The following COBLL1 variants were observed in gnomAD, a reference collection of about 807,000 sequenced individuals.
COBLL1 encodes cordon-bleu WH2 repeat protein like 1, also known as cordon-bleu protein-like 1.
Under a neutral mutation model 94.8 loss-of-function variants are expected in COBLL1, and 50 were observed. The observed-to-expected ratio is 0.53, with a 90% CI of 0.42 to 0.67. The LOEUF (loss-of-function observed/expected upper bound fraction) is 0.67, where lower values mean the gene tolerates loss of function less well. Ranked by LOEUF, COBLL1 falls within the 30% of genes least tolerant of loss-of-function variation. COBLL1 has a pLI of 0.00. For missense variants in COBLL1, 1,362 were observed against 1,348.7 expected (o/e 1.01, Z -0.15); for synonymous variants, 448 against 473.8 (o/e 0.95, Z 0.71).
At chr2:164,804,732 A>G (rs1341791252) in intron 2 of COBLL1, among the ~76,000 whole-genome samples, 1 of 152,208 alleles carries the variant, frequency 6.6e-6, no homozygotes, top group African/African-American at 2.4e-5. Context: ...AATAAATAAT[A>G]TAATGTGTAA....
At chr2:164,785,281 G>T (rs938796302) in intron 2 of COBLL1, among the ~76,000 whole-genome samples, 3 of 152,136 alleles carry the variant, frequency 2.0e-5, no homozygotes, top group African/African-American at 7.2e-5. Flanking sequence ...TCCAGCTACT[G>T]GGGAGGCCGA....
chr2:164,773,633 A>G (rs1299760721), intron 2 of COBLL1: 12 of 551,970 alleles, frequency 2.2e-5, no homozygotes, highest in Non-Finnish European at 2.9e-5. Flanking sequence ...GAGAGAAAAT[A>G]TTAGATATTT....
At chr2:164,659,759 T>G (rs1301207601) in intron 2 of COBLL1, among the ~76,000 whole-genome samples, 1 of 152,194 alleles carries the variant, frequency 6.6e-6, no homozygotes, top group Non-Finnish European at 1.5e-5. Flanking sequence ...CTTTCCTTCT[T>G]GCAATAAATA....
At chr2:164,820,632 C>T (rs1436715466) in intron 2 of COBLL1, among the ~76,000 whole-genome samples, 1 of 152,144 alleles carries the variant, frequency 6.6e-6, no homozygotes. Flanking sequence ...TCATACTGTT[C>T]AGCTAGCTTC....
At chr2:164,705,188 C>G in intron 7 of COBLL1, 83 bp from the exon 8 acceptor site, 2 of 1,086,810 alleles carry the variant, frequency 1.8e-6, no homozygotes, top group Non-Finnish European at 2.5e-6. Flanking sequence ...TTACGTCAAG[C>G]ACAGGATATA....
intron 1 of COBLL1, among the ~76,000 whole-genome samples, chr2:164,673,703 C>G (rs971769975): frequency 6.6e-6 from 1 of 152,022 alleles, no homozygotes; most frequent in Non-Finnish European, 1.5e-5. Context: ...AATAAATAAA[C>G]TCAGTGAATT....
At chr2:164,810,506 T>C (rs1196618506) in intron 2 of COBLL1, among the ~76,000 whole-genome samples, 2 of 151,690 alleles carry the variant, frequency 1.3e-5, no homozygotes, top group African/African-American at 2.4e-5. Context: ...ATAATTGTCA[T>C]AAAATTATAG....
chr2:164,687,634 A>G, intron 13 of COBLL1: 1 of 958,760 alleles, frequency 1.0e-6, no homozygotes, highest in Non-Finnish European at 1.7e-6. Flanking sequence ...ATGAACATAC[A>G]TCTGAAAGGC....
At chr2:164,731,633 G>A (rs1286983671) in intron 3 of COBLL1, among the ~76,000 whole-genome samples, 1 of 152,172 alleles carries the variant, frequency 6.6e-6, no homozygotes, top group South Asian at 2.1e-4. Context: ...ACAGATGGAG[G>A]CATAGGTTCA....
chr2:164,666,572 GCAT>G lies in COBLL1; in HGVS notation n.127-674_127-672del, dbSNP rs762353489. Among the ~76,000 whole-genome samples the G allele has an allele frequency of 1.4e-3, 214 of 152,262 alleles. 1 individual carries two copies. In the East Asian group the frequency reaches 0.017, roughly 12 times the overall value. ...TCCTTTCACAAAAGATTTATCTGTA[GCAT>G]GCAATGCTGTTTGATAACATTTTAC... is the stretch of plus-strand genomic sequence containing the variant. On this transcript the variant is annotated intron_variant and non_coding_transcript_variant, in intron 1 of 2. Transcript: ENST00000495084.
intron 2 of COBLL1, among the ~76,000 whole-genome samples, chr2:164,774,684 C>T (rs355868): frequency 0.23 from 35,443 of 152,004 alleles, 4,789 homozygotes; most frequent in African/African-American, 0.37. Flanking sequence ...GTCTCTTATA[C>T]AGCTCTACGT....
At chr2:164,729,272 ATAT>A (rs1457880992) in intron 4 of COBLL1, among the ~76,000 whole-genome samples, 1 of 151,770 alleles carries the variant, frequency 6.6e-6, no homozygotes, top group Non-Finnish European at 1.5e-5. Context: ...ACTTTTATAT[ATAT>A]TATAAAATGA....
At chr2:164,660,856 GGTTT>G in intron 2 of COBLL1, among the ~76,000 whole-genome samples, 1 of 152,066 alleles carries the variant, frequency 6.6e-6, no homozygotes, top group South Asian at 2.1e-4. Flanking sequence ...TTACAAAATG[GGTTT>G]GATTGAAACA....
intron 7 of COBLL1, among the ~76,000 whole-genome samples, chr2:164,716,276 TTTATA>T (rs1484868126): frequency 6.6e-6 from 1 of 152,206 alleles, no homozygotes; most frequent in Non-Finnish European, 1.5e-5. Flanking sequence ...CTGTGTACAT[TTTATA>T]TAAGAATATA....
At chr2:164,739,563 A>G (rs1331578718) in intron 3 of COBLL1, among the ~76,000 whole-genome samples, 2 of 152,236 alleles carry the variant, frequency 1.3e-5, no homozygotes, top group African/African-American at 4.8e-5. Flanking sequence ...GTACTACACT[A>G]TCAAAATAAA....
chr2:164,811,313 T>A (rs1684445980), intron 2 of COBLL1, among the ~76,000 whole-genome samples: 1 of 152,006 alleles, frequency 6.6e-6, no homozygotes, highest in South Asian at 2.1e-4. Context: ...TCAATTGTGA[T>A]AGTGCCATTA....
At chr2:164,760,134 T>C (rs988064547) in intron 2 of COBLL1, among the ~76,000 whole-genome samples, 1 of 152,158 alleles carries the variant, frequency 6.6e-6, no homozygotes, top group African/African-American at 2.4e-5. Context: ...AGACCCAAAC[T>C]GGAAACAACC....
chr2:164,734,772 C>T (rs761207000), intron 3 of COBLL1, among the ~76,000 whole-genome samples: 10 of 152,088 alleles, frequency 6.6e-5, no homozygotes, highest in Non-Finnish European at 1.3e-4. Context: ...AAGTAACCAA[C>T]AGGAGACCTA....
intron 7 of COBLL1, chr2:164,705,502 T>C (rs1369235504): frequency 6.5e-6 from 1 of 153,132 alleles, no homozygotes; most frequent in East Asian, 1.9e-4. Context: ...ACAGCTGCAG[T>C]GTTTCAGTGA....
Sources: gnomAD v4.1 joint callset for allele counts (sites outside exome capture counted in the v4.1 genomes callset) on GRCh38, gnomAD v4.1.1 for gene constraint, MANE v1.5 for transcripts, NCBI Gene and HGNC (gene_info 2026-07-23, HGNC 2026-07-21) for gene names.